The following STAG1 variants were observed in gnomAD, a reference collection of about 807,000 sequenced individuals.
STAG1 encodes the protein cohesin subunit SA-1.
Under a neutral mutation model 170.9 loss-of-function variants are expected in STAG1, and 26 were observed. That is an observed-to-expected ratio of 0.15 (90% confidence interval 0.11 to 0.21). The LOEUF (loss-of-function observed/expected upper bound fraction) is 0.21, where lower values mean the gene tolerates loss of function less well. Among genes scored for constraint, STAG1 ranks in the 10% least tolerant of loss-of-function variants. The pLI, the probability that STAG1 is intolerant of heterozygous loss-of-function variation, is 1.00. For synonymous variants in STAG1, 514 were observed against 497.7 expected (o/e 1.03, Z -0.44); for missense variants, 964 against 1,509.5 (o/e 0.64, Z 5.99).
intron 5 of STAG1, among the ~76,000 whole-genome samples, chr3:136,563,775 C>G (rs1449936912): frequency 6.6e-6 from 1 of 152,000 alleles, no homozygotes; most frequent in Non-Finnish European, 1.5e-5. Context: ...AATCCCAGCA[C>G]TTTAGGAGGC....
intron 13 of STAG1, among the ~76,000 whole-genome samples, chr3:136,453,294 T>TA (rs2088998881): frequency 6.6e-6 from 1 of 152,060 alleles, no homozygotes; most frequent in Admixed American, 6.6e-5. Flanking sequence ...TAACAAAACT[T>TA]AAAAACTGCT....
At chr3:136,373,106 T>C (rs1375188577) in intron 23 of STAG1, among the ~76,000 whole-genome samples, 5 of 152,242 alleles carry the variant, frequency 3.3e-5, no homozygotes, top group Admixed American at 3.3e-4. Flanking sequence ...AATTTATCCA[T>C]TTCTTCTAGA....
intron 4 of STAG1, among the ~76,000 whole-genome samples, chr3:136,577,190 C>T (rs1937496866): frequency 6.6e-6 from 1 of 152,108 alleles, no homozygotes; most frequent in African/African-American, 2.4e-5. Flanking sequence ...TGAGTATTCA[C>T]AGAGATAAAA....
chr3:136,384,207 T>C (rs538599537), intron 22 of STAG1, among the ~76,000 whole-genome samples: 31 of 152,084 alleles, frequency 2.0e-4, no homozygotes, highest in Non-Finnish European at 4.0e-4. Context: ...TCTTAGCACT[T>C]TGGGAGGCTG....
chr3:136,513,892 T>C (rs931515414), intron 7 of STAG1, among the ~76,000 whole-genome samples: 15 of 151,998 alleles, frequency 9.9e-5, no homozygotes, highest in South Asian at 2.1e-4. Flanking sequence ...TTAAGTAGCA[T>C]CTAAATTTTA....
intron 5 of STAG1, among the ~76,000 whole-genome samples, chr3:136,565,786 T>A (rs1208273663): frequency 2.0e-5 from 3 of 152,214 alleles, no homozygotes; most frequent in Non-Finnish European, 4.4e-5. Flanking sequence ...TCAAATGTCC[T>A]TCAACAGATG....
chr3:136,730,506 A>T (rs1933951230), intron 1 of STAG1, among the ~76,000 whole-genome samples: 1 of 152,096 alleles, frequency 6.6e-6, no homozygotes, highest in African/African-American at 2.4e-5. Flanking sequence ...CCTACATAAA[A>T]CTGCTGTGTT....
intron 4 of STAG1, among the ~76,000 whole-genome samples, chr3:136,575,684 C>CAT (rs1937430960): frequency 6.6e-6 from 1 of 152,138 alleles, no homozygotes; most frequent in Non-Finnish European, 1.5e-5. Context: ...CATTCTGGGA[C>CAT]CTAAGGTGAC....
At chr3:136,510,100 T>C (rs1165995631) in intron 7 of STAG1, among the ~76,000 whole-genome samples, 1 of 152,156 alleles carries the variant, frequency 6.6e-6, no homozygotes, top group African/African-American at 2.4e-5. Flanking sequence ...AAAACAGAAC[T>C]ACCATTCAAC....
At chr3:136,341,825 G>C (rs1295378135) in intron 30 of STAG1, among the ~76,000 whole-genome samples, 1 of 152,222 alleles carries the variant, frequency 6.6e-6, no homozygotes, top group Admixed American at 6.5e-5. Flanking sequence ...TTGGGCTGGT[G>C]CCGCACTCAC....
At chr3:136,560,535 T>G (rs1936798889) in intron 5 of STAG1, among the ~76,000 whole-genome samples, 1 of 152,214 alleles carries the variant, frequency 6.6e-6, no homozygotes, top group Non-Finnish European at 1.5e-5. Flanking sequence ...AATGCAACTC[T>G]AAGTCAACAG....
At chr3:136,669,907 C>G (rs1941927031) in intron 1 of STAG1, among the ~76,000 whole-genome samples, 1 of 152,124 alleles carries the variant, frequency 6.6e-6, no homozygotes, top group Non-Finnish European at 1.5e-5. Context: ...ACTCCATATA[C>G]CATAATAGTT....
chr3:136,715,501 T>A (rs1349980780), intron 1 of STAG1, among the ~76,000 whole-genome samples: 2 of 151,974 alleles, frequency 1.3e-5, no homozygotes, highest in Non-Finnish European at 2.9e-5. Context: ...ACACCTGTAG[T>A]GCCAACTACT....
intron 6 of STAG1, among the ~76,000 whole-genome samples, chr3:136,533,157 C>G (rs894775223): frequency 2.0e-5 from 3 of 151,896 alleles, no homozygotes; most frequent in African/African-American, 7.3e-5. Context: ...ATCCCATTTA[C>G]AACAGCTAGA....
At chr3:136,445,548 G>A (rs2088753785) in intron 14 of STAG1, among the ~76,000 whole-genome samples, 1 of 152,162 alleles carries the variant, frequency 6.6e-6, no homozygotes, top group South Asian at 2.1e-4. Context: ...AGTGATGACT[G>A]CCTAGCAATA....
intron 1 of STAG1, among the ~76,000 whole-genome samples, chr3:136,695,503 G>C (rs1942859046): frequency 6.6e-6 from 1 of 151,896 alleles, no homozygotes; most frequent in Admixed American, 6.6e-5. Context: ...GTCCTCAATG[G>C]GGGAGTTACT....
intron 21 of STAG1, among the ~76,000 whole-genome samples, chr3:136,416,004 G>A (rs187610719): frequency 5.3e-5 from 8 of 150,158 alleles, no homozygotes; most frequent in Non-Finnish European, 3.0e-5. Context: ...CAAAGTTAAA[G>A]CCATAAAACT....
chr3:136,476,945 T>C (rs1033571307), intron 10 of STAG1, among the ~76,000 whole-genome samples: 6 of 152,014 alleles, frequency 3.9e-5, no homozygotes, highest in African/African-American at 1.5e-4. Flanking sequence ...AAATTTTTTT[T>C]AAAAAAAAGC....
At chr3:136,359,816 T>C (rs761916618) in intron 26 of STAG1, among the ~76,000 whole-genome samples, 5 of 152,180 alleles carry the variant, frequency 3.3e-5, no homozygotes, top group Non-Finnish European at 5.9e-5. Context: ...GCCAAAAGAA[T>C]GTATTTTGAG....
Sources: gnomAD v4.1 joint callset for allele counts (sites outside exome capture counted in the v4.1 genomes callset) on GRCh38, gnomAD v4.1.1 for gene constraint, MANE v1.5 for transcripts, NCBI Gene and HGNC (gene_info 2026-07-23, HGNC 2026-07-21) for gene names.